Variants in CDC42BPA observed in about 807,000 individuals in gnomAD.
CDC42BPA encodes the protein serine/threonine-protein kinase MRCK alpha.
Under a neutral mutation model 223.5 loss-of-function variants are expected in CDC42BPA, and 80 were observed. That is an observed-to-expected ratio of 0.36 (90% CI 0.30 to 0.43). The LOEUF (loss-of-function observed/expected upper bound fraction) is 0.43, where lower values mean the gene tolerates loss of function less well. Among genes scored for constraint, CDC42BPA ranks in the 20% least tolerant of loss-of-function variants. The pLI, the probability that CDC42BPA is intolerant of heterozygous loss-of-function variation, is 1.00. For synonymous variants in CDC42BPA, 694 were observed against 718.6 expected (o/e 0.97, Z 0.55); for missense variants, 1,743 against 2,099.9 (o/e 0.83, Z 3.32).
intron 3 of CDC42BPA, among the ~76,000 whole-genome samples, chr1:227,200,749 T>C (rs1050299175): frequency 2.6e-5 from 4 of 152,186 alleles, no homozygotes; most frequent in Non-Finnish European, 4.4e-5. Flanking sequence ...AATGAAAATT[T>C]CAACTCCACC....
In CDC42BPA at chr1:226,993,919, GA is replaced by G. The variant is rs1278039281; in HGVS notation, c.*348del. On this transcript the variant is annotated 3_prime_UTR_variant, in exon 37 of 37. Coordinates refer to ENST00000366766, the MANE Select transcript of CDC42BPA (RefSeq NM_001394014.1). Reference sequence around the variant, plus strand: ...TAGGACTATAATGAGACTCTACTGTGAAAGCAAAATCTGTCTAATCTTATTC... The same window carrying G: ...TAGGACTATAATGAGACTCTACTGTGAAGCAAAATCTGTCTAATCTTATTC... The G allele has an allele frequency of 5.3e-4, 98 of 185,922 alleles. 1 individual carries two copies. The highest frequency in any genetic ancestry group is 2.2e-3 in the African/African-American group (91 of 42,252). 11.5% of individuals were successfully genotyped at this position (185,922 alleles called of 1,614,324 possible).
chr1:227,217,781 T>G (rs1675132384), intron 2 of CDC42BPA, among the ~76,000 whole-genome samples: 1 of 152,162 alleles, frequency 6.6e-6, no homozygotes, highest in South Asian at 2.1e-4. Flanking sequence ...GCCTTTGCAC[T>G]TGTTGATCCC....
Position 227,318,000 on chromosome 1 carries a change from G to A in CDC42BPA, c.-818C>T. The A allele has an allele frequency of 5.2e-6, 2 of 386,218 alleles. No homozygotes were observed. The highest frequency in any genetic ancestry group is 9.1e-6 in the Non-Finnish European group (2 of 218,762). 23.9% of individuals were successfully genotyped at this position (386,218 alleles called of 1,614,324 possible). Reference sequence around the variant, plus strand: ...GCGGGCTGCGGGCGGCACTGGCACCGGGCTCCGGAGAAGCGGCTACTTGGC... The same window carrying A: ...GCGGGCTGCGGGCGGCACTGGCACCAGGCTCCGGAGAAGCGGCTACTTGGC... On this transcript the variant is annotated 5_prime_UTR_variant, in exon 1 of 37. Coordinates refer to ENST00000366766, the MANE Select transcript of CDC42BPA (RefSeq NM_001394014.1).
intron 1 of CDC42BPA, among the ~76,000 whole-genome samples, chr1:227,256,700 G>C (rs1158367817): frequency 6.6e-6 from 1 of 152,050 alleles, no homozygotes; most frequent in Non-Finnish European, 1.5e-5. Context: ...CATTGCTAGA[G>C]GGGATATAAA....
At chr1:227,309,803 A>C (rs1253728247) in intron 1 of CDC42BPA, among the ~76,000 whole-genome samples, 1 of 152,190 alleles carries the variant, frequency 6.6e-6, no homozygotes, top group East Asian at 1.9e-4. Context: ...CAGTAATTTC[A>C]AGGACTTTAG....
chr1:227,207,090 C>T (rs1225538324), intron 3 of CDC42BPA, among the ~76,000 whole-genome samples: 2 of 99,182 alleles, frequency 2.0e-5, no homozygotes, highest in Non-Finnish European at 3.9e-5. Flanking sequence ...CCTCCCCCCA[C>T]CCCACAACAG....
At chr1:227,115,797 G>A (rs562589476) in intron 12 of CDC42BPA, among the ~76,000 whole-genome samples, 5 of 151,588 alleles carry the variant, frequency 3.3e-5, no homozygotes, top group East Asian at 1.9e-4. Flanking sequence ...TCATTGGTCC[G>A]TGAGAAAAAG....
intron 15 of CDC42BPA, among the ~76,000 whole-genome samples, chr1:227,099,150 G>A (rs1251782967): frequency 1.3e-5 from 2 of 152,136 alleles, no homozygotes; most frequent in East Asian, 3.9e-4. Context: ...ATTATGTACA[G>A]TACCTAATAC....
chr1:227,102,119 C>G (rs773188505), intron 14 of CDC42BPA, among the ~76,000 whole-genome samples: 17 of 152,064 alleles, frequency 1.1e-4, no homozygotes, highest in Non-Finnish European at 2.2e-4. Flanking sequence ...CTGGAGGTCA[C>G]TGTATTCTTT....
At position 227,005,093 on chromosome 1, in the gene CDC42BPA, T is replaced by C. The variant is rs758497392; in HGVS notation, c.4876A>G (p.Ser1626Gly). 3.0e-5 allele frequency: 48 copies of C among 1,613,602 alleles called. No homozygotes were observed. The highest frequency in any genetic ancestry group is 1.6e-4 in the Middle Eastern group (1 of 6,082). The change falls in exon 35 of 37, where the codon AGT becomes GGT. Residue 1626 changes from serine (S) to glycine (G), a missense_variant. Coordinates refer to ENST00000366766, the MANE Select transcript of CDC42BPA (RefSeq NM_001394014.1). ...ACTGAGCCACTGAATACTGTCCGAC[T>C]TTCCTGAGGCCGAGGGTTCTATAAA... ...DLPMNPRPQE[S>G]RTVFSGSVSI...
chr1:227,138,107 A>C (rs1173085945), intron 10 of CDC42BPA, among the ~76,000 whole-genome samples: 1 of 152,134 alleles, frequency 6.6e-6, no homozygotes, highest in Non-Finnish European at 1.5e-5. Flanking sequence ...GGAAAAACAG[A>C]AAATAGTCCA....
chr1:227,138,237 C>T (rs1658999177), intron 10 of CDC42BPA, among the ~76,000 whole-genome samples: 1 of 151,978 alleles, frequency 6.6e-6, no homozygotes, highest in Non-Finnish European at 1.5e-5. Flanking sequence ...TCCATAAATA[C>T]ATTCCTTCAT....
At chr1:227,076,697 A>T (rs1342338868) in intron 17 of CDC42BPA, among the ~76,000 whole-genome samples, 2 of 152,178 alleles carry the variant, frequency 1.3e-5, no homozygotes, top group Non-Finnish European at 2.9e-5. Flanking sequence ...TCTTAATAAC[A>T]GTTATTATTA....
intron 1 of CDC42BPA, among the ~76,000 whole-genome samples, chr1:227,295,654 A>G (rs1305026766): frequency 6.6e-6 from 1 of 152,202 alleles, no homozygotes; most frequent in Non-Finnish European, 1.5e-5. Flanking sequence ...CTTTCAAGTA[A>G]AAGACATTTG....
chr1:227,187,248 A>T (rs6426584), intron 5 of CDC42BPA, among the ~76,000 whole-genome samples: 50,148 of 152,038 alleles, frequency 0.33, 8,634 homozygotes, highest in African/African-American at 0.4. Flanking sequence ...CAGGAATTTT[A>T]AAAACTATTA....
At chr1:227,049,738 G>A (rs570410525) in intron 22 of CDC42BPA, among the ~76,000 whole-genome samples, 13 of 152,220 alleles carry the variant, frequency 8.5e-5, no homozygotes, top group Non-Finnish European at 1.6e-4. Context: ...TATCCAAACA[G>A]ATCCATGCAT....
chr1:227,255,496 G>GA (rs148540745), intron 1 of CDC42BPA, among the ~76,000 whole-genome samples: 9,086 of 152,084 alleles, frequency 0.06, 275 homozygotes, highest in Non-Finnish European at 0.072. Context: ...AAGAGAAAGA[G>GA]AAAAAAATTA....
chr1:227,091,968 T>G lies in CDC42BPA; in HGVS notation c.2273A>C (p.Glu758Ala). ...TTCATATTGTTGTTTGAACTCACTT[T>G]CAAATTCCTCCCTTTCACTTTGACT... ...RESQSEREEF[E>A]SEFKQQYERE... The change falls in exon 16 of 37, where the codon GAA (glutamate) becomes GCA (alanine). Residue 758 changes from glutamate to alanine, a missense_variant. Around this residue, in one of 6 missense-constraint regions of CDC42BPA, gnomAD observed 464 missense variants for 488.0 expected, o/e 0.95. Transcript: ENST00000366766. 6.2e-7 allele frequency: 1 copy of G among 1,602,628 alleles called. No individual in the cohort carries two copies. The highest frequency in any genetic ancestry group is 1.1e-5 in the South Asian group (1 of 89,092).
chr1:227,234,710 C>T (rs979830624), intron 2 of CDC42BPA: 3 of 152,210 alleles, frequency 2.0e-5, no homozygotes, highest in African/African-American at 4.8e-5. Context: ...TCCCATGTGA[C>T]GGAGGCAGAC....
Sources: gnomAD v4.1 joint callset for allele counts (sites outside exome capture counted in the v4.1 genomes callset) on GRCh38, gnomAD v4.1.1 for gene constraint, gnomAD v4.1.1 regional missense constraint, MANE v1.5 for transcripts, NCBI Gene and HGNC (gene_info 2026-07-23, HGNC 2026-07-21) for gene names.